The following WWOX variants were observed in gnomAD, a reference collection of about 807,000 sequenced individuals.
WWOX encodes the protein WW domain containing oxidoreductase.
WWOX carries 69 observed loss-of-function variants against 46.2 expected under a neutral mutation model. That is an observed-to-expected ratio of 1.49 (90% CI 1.23 to 1.82). WWOX has a LOEUF of 1.82. WWOX is among the 40% of genes most tolerant of loss of function. The probability of loss-of-function intolerance (pLI) is 0.00; values close to 1 mark genes in which losing one functional copy is unlikely to be tolerated. For synonymous variants in WWOX, 359 were observed against 202.6 expected (o/e 1.77, Z -6.56); for missense variants, 919 against 542.6 (o/e 1.69, Z -6.89).
At chr16:78,799,645 C>T (rs1169248550) in intron 8 of WWOX, among the ~76,000 whole-genome samples, 4 of 152,056 alleles carry the variant, frequency 2.6e-5, no homozygotes, top group Non-Finnish European at 5.9e-5. Context: ...CCTTGGAGCT[C>T]ATGTTCTGTG....
chr16:78,682,527 G>C (rs1261512348), intron 8 of WWOX, among the ~76,000 whole-genome samples: 4 of 152,084 alleles, frequency 2.6e-5, no homozygotes, highest in Non-Finnish European at 4.4e-5. Context: ...AGGCTGCAAC[G>C]ACTTACGATC....
chr16:78,504,312 G>A (rs1201383733), intron 8 of WWOX, among the ~76,000 whole-genome samples: 1 of 152,194 alleles, frequency 6.6e-6, no homozygotes, highest in Non-Finnish European at 1.5e-5. Flanking sequence ...GTAAACTAAA[G>A]AAGATTGTTT....
At chr16:78,715,483 T>TTTTTTG (rs1265988934) in intron 8 of WWOX, among the ~76,000 whole-genome samples, 17 of 106,858 alleles carry the variant, frequency 1.6e-4, no homozygotes, top group African/African-American at 7.3e-4. Context: ...CTACCCACCG[T>TTTTTTG]TTTTTGTTTT....
intron 8 of WWOX, among the ~76,000 whole-genome samples, chr16:79,034,726 C>G (rs369806329): frequency 2.0e-5 from 3 of 151,928 alleles, no homozygotes; most frequent in East Asian, 1.9e-4. Flanking sequence ...AAATACTTCT[C>G]TGATCAGAGC....
At chr16:78,603,470 G>A (rs1318993216) in intron 8 of WWOX, among the ~76,000 whole-genome samples, 2 of 152,186 alleles carry the variant, frequency 1.3e-5, no homozygotes, top group African/African-American at 2.4e-5. Context: ...TGAGGAGGAC[G>A]GATTACTTGA....
intron 5 of WWOX, among the ~76,000 whole-genome samples, chr16:78,164,499 C>T (rs757231637): frequency 6.6e-6 from 1 of 152,174 alleles, no homozygotes; most frequent in Non-Finnish European, 1.5e-5. Context: ...TTGTCAGTGT[C>T]ATCTGCTTTA....
chr16:78,769,397 G>A (rs1424291855), intron 8 of WWOX, among the ~76,000 whole-genome samples: 1 of 151,898 alleles, frequency 6.6e-6, no homozygotes, highest in African/African-American at 2.4e-5. Flanking sequence ...TCCAGTGCTT[G>A]TAACCTGTCA....
At chr16:79,201,127 C>T (rs1031154060) in intron 8 of WWOX, among the ~76,000 whole-genome samples, 15 of 152,072 alleles carry the variant, frequency 9.9e-5, no homozygotes, top group African/African-American at 3.1e-4. Context: ...GTGTCAAAGA[C>T]AGGAGTCCAA....
chr16:78,897,906 T>C (rs2044739209), intron 8 of WWOX: 1 of 152,168 alleles, frequency 6.6e-6, no homozygotes, highest in African/African-American at 2.4e-5. Context: ...TTATTTTGCA[T>C]TTTCCTAGTG....
chr16:78,278,588 G>GT (rs768607873), intron 5 of WWOX: 4 of 1,604,174 alleles, frequency 2.5e-6, no homozygotes, highest in East Asian at 2.2e-5. Context: ...ACTGTCTTTT[G>GT]TTTGTATCTT....
In WWOX at chr16:79,209,293, C is replaced by T. The variant is rs549658858; in HGVS notation, c.1057-2315C>T. On this transcript the variant is annotated intron_variant, in intron 8 of 8. Transcript: ENST00000566780. The stretch of plus-strand genomic sequence containing the variant: ...ATGGCATTCTGAATCAATGGGACTG[C>T]AGAATTTCTTAGCAAAAATACCATT... Among the ~76,000 whole-genome samples the T allele has an allele frequency of 1.6e-4, 24 of 152,318 alleles. No individual in the cohort carries two copies. The South Asian group carries it at 4.6e-3, about 29-fold the overall frequency.
chr16:78,591,496 C>G (rs2045351440), intron 8 of WWOX, among the ~76,000 whole-genome samples: 1 of 152,198 alleles, frequency 6.6e-6, no homozygotes, highest in Non-Finnish European at 1.5e-5. Flanking sequence ...TACATGGAGC[C>G]TCACTTTATA....
At chr16:78,126,576 C>G (rs1198015854) in intron 4 of WWOX, among the ~76,000 whole-genome samples, 1 of 152,130 alleles carries the variant, frequency 6.6e-6, no homozygotes, top group Non-Finnish European at 1.5e-5. Context: ...ATTTAATTTT[C>G]AAAATGTCCC....
At chr16:78,224,229 T>A (rs1280227234) in intron 5 of WWOX, among the ~76,000 whole-genome samples, 1 of 152,100 alleles carries the variant, frequency 6.6e-6, no homozygotes, top group African/African-American at 2.4e-5. Context: ...GGTCTCTATC[T>A]CCTGACCTCG....
chr16:78,395,535 G>C (rs984000527), intron 6 of WWOX, among the ~76,000 whole-genome samples: 3 of 152,030 alleles, frequency 2.0e-5, no homozygotes, highest in Non-Finnish European at 1.5e-5. Context: ...AAAAGAGAGA[G>C]AAGGGCAGAA....
intron 8 of WWOX, among the ~76,000 whole-genome samples, chr16:78,969,778 A>G (rs959096364): frequency 2.0e-5 from 3 of 152,224 alleles, no homozygotes; most frequent in African/African-American, 7.2e-5. Flanking sequence ...TTTCATTTAC[A>G]TGAAATACCC....
intron 8 of WWOX, among the ~76,000 whole-genome samples, chr16:78,500,775 A>T (rs930840421): frequency 6.6e-6 from 1 of 152,212 alleles, no homozygotes; most frequent in Non-Finnish European, 1.5e-5. Context: ...ATGATGAATT[A>T]TTCAGGCAGT....
chr16:79,010,704 G>A (rs767421621), intron 8 of WWOX, among the ~76,000 whole-genome samples: 206 of 152,214 alleles, frequency 1.4e-3, no homozygotes, highest in Non-Finnish European at 2.4e-3. Context: ...TCCAGGCAGA[G>A]GAGGTTTGGC....
At chr16:78,231,295 C>T (rs1303652771) in intron 5 of WWOX, among the ~76,000 whole-genome samples, 1 of 152,206 alleles carries the variant, frequency 6.6e-6, no homozygotes, top group African/African-American at 2.4e-5. Flanking sequence ...GTGGCTTCGG[C>T]ATTTTCACAG....
Sources: allele counts gnomAD v4.1 joint callset (sites outside exome capture counted in the v4.1 genomes callset), GRCh38; gene constraint gnomAD v4.1.1; transcripts MANE v1.5; gene names NCBI Gene and HGNC (gene_info 2026-07-23, HGNC 2026-07-21).